Variants in RNF180 observed in about 807,000 individuals in gnomAD.
RNF180 encodes E3 ubiquitin-protein ligase RNF180.
A neutral mutation model predicts 59.2 loss-of-function variants in RNF180; 38 were observed. That is an observed-to-expected ratio of 0.64 (90% CI 0.50 to 0.84). The LOEUF (loss-of-function observed/expected upper bound fraction) is 0.84, where lower values mean the gene tolerates loss of function less well. Ranked by LOEUF, RNF180 falls within the 40% of genes least tolerant of loss-of-function variation. The pLI is 0.00. For synonymous variants in RNF180, 262 were observed against 240.3 expected, an observed-to-expected ratio of 1.09 and a Z score of -0.84; for missense variants, 705 against 700.9, an observed-to-expected ratio of 1.01 and a Z score of -0.07.
intron 1 of RNF180, among the ~76,000 whole-genome samples, chr5:64,197,446 C>T (rs560418167): frequency 1.3e-5 from 2 of 152,108 alleles, no homozygotes; most frequent in African/African-American, 4.8e-5. Context: ...TTGACATTTG[C>T]ACAAATAATA....
intron 7 of RNF180, 66 bp downstream of exon 7, chr5:64,330,472 C>T (rs1744852752): frequency 1.5e-6 from 2 of 1,375,360 alleles, no homozygotes; most frequent in Admixed American, 2.8e-5. Flanking sequence ...TTAAAAGTAA[C>T]TTCCTGCTGT....
intron 1 of RNF180, among the ~76,000 whole-genome samples, chr5:64,181,504 G>A (rs1026545303): frequency 6.6e-6 from 1 of 152,190 alleles, no homozygotes; most frequent in African/African-American, 2.4e-5. Flanking sequence ...GCAATAAAGG[G>A]TATTGAAAAA....
chr5:64,198,162 C>A (rs894750191), intron 1 of RNF180, among the ~76,000 whole-genome samples: 1 of 152,144 alleles, frequency 6.6e-6, no homozygotes, highest in African/African-American at 2.4e-5. Context: ...AGTATTATTT[C>A]AACATGTACT....
chr5:64,256,476 T>C (rs977906098), intron 5 of RNF180, among the ~76,000 whole-genome samples: 1 of 152,150 alleles, frequency 6.6e-6, no homozygotes, highest in Non-Finnish European at 1.5e-5. Context: ...CCCCATTGCT[T>C]GTTTCTGTCA....
chr5:64,366,796 A>AT (rs1746467173), intron 7 of RNF180, among the ~76,000 whole-genome samples: 1 of 151,574 alleles, frequency 6.6e-6, no homozygotes, highest in Non-Finnish European at 1.5e-5. Context: ...TGAAAACGAA[A>AT]GGGATAGGAA....
chr5:64,258,851 G>A (rs893059013), intron 5 of RNF180, among the ~76,000 whole-genome samples: 2 of 152,198 alleles, frequency 1.3e-5, no homozygotes, highest in Non-Finnish European at 2.9e-5. Flanking sequence ...GATACAGCTT[G>A]TGGAACACCA....
chr5:64,337,090 C>T (rs1031314971), intron 7 of RNF180, among the ~76,000 whole-genome samples: 4 of 151,148 alleles, frequency 2.6e-5, no homozygotes, highest in African/African-American at 7.3e-5. Flanking sequence ...GTGGTATGAT[C>T]GGCAGCCTCA....
intron 5 of RNF180, among the ~76,000 whole-genome samples, chr5:64,290,099 T>C (rs558956883): frequency 1.3e-5 from 2 of 152,348 alleles, no homozygotes; most frequent in East Asian, 3.9e-4. Context: ...TTCTCATTAG[T>C]TTCAAAGAAC....
intron 5 of RNF180, among the ~76,000 whole-genome samples, chr5:64,246,316 G>A (rs902854100): frequency 1.3e-5 from 2 of 152,062 alleles, no homozygotes; most frequent in African/African-American, 4.8e-5. Context: ...AGAAATCAAG[G>A]AATCCAGGAG....
intron 1 of RNF180, among the ~76,000 whole-genome samples, chr5:64,171,300 C>A (rs780512566): frequency 1.3e-5 from 2 of 152,150 alleles, no homozygotes; most frequent in Non-Finnish European, 2.9e-5. Flanking sequence ...ATTAACTGTC[C>A]AGTAAAATGA....
chr5:64,194,575 G>A (rs1195233947), intron 1 of RNF180, among the ~76,000 whole-genome samples: 3 of 152,172 alleles, frequency 2.0e-5, no homozygotes, highest in Non-Finnish European at 4.4e-5. Flanking sequence ...CTGAGGACTC[G>A]CCATACTGAC....
At chr5:64,252,047 ATAT>A (rs1241469911) in intron 5 of RNF180, among the ~76,000 whole-genome samples, 2 of 152,184 alleles carry the variant, frequency 1.3e-5, no homozygotes, top group Non-Finnish European at 2.9e-5. Flanking sequence ...AAAATCCCTA[ATAT>A]TTATATGAAA....
intron 1 of RNF180, among the ~76,000 whole-genome samples, chr5:64,177,562 T>TATATAC (rs1750317966): frequency 7.8e-6 from 1 of 128,250 alleles, no homozygotes; most frequent in Non-Finnish European, 1.7e-5. Flanking sequence ...TATATATATA[T>TATATAC]ATATGTATTT....
rs1236487137 is a variant in RNF180, at chr5:64,214,043, G to C, written c.717G>C (p.Leu239=). The C allele has an allele frequency of 1.9e-6, 3 of 1,614,086 alleles. No homozygotes were observed. Among genetic ancestry groups the C allele is most frequent in the Non-Finnish European group, 2.5e-6 (3 of 1,180,002 alleles). The change falls in exon 4 of 8, where the codon CTG becomes CTC. Residue 239 remains leucine (L), a synonymous_variant. Coordinates refer to ENST00000389100, the MANE Select transcript of RNF180 (RefSeq NM_001113561.2). The part of the protein sequence containing the change: ...HSLDLNISEK[L]TLLPTLYEIH... The stretch of plus-strand genomic sequence containing the variant: ...TGGATCTGAACATCAGTGAGAAACT[G>C]ACTTTATTACCCACTTTATATGAAA...
intron 5 of RNF180, among the ~76,000 whole-genome samples, chr5:64,219,416 G>GT (rs1295120116): frequency 5.3e-5 from 8 of 152,010 alleles, no homozygotes; most frequent in Non-Finnish European, 4.4e-5. Flanking sequence ...AATTGTCTCT[G>GT]TTTTTTGTAA....
intron 5 of RNF180, among the ~76,000 whole-genome samples, chr5:64,234,295 T>A (rs1474044946): frequency 6.6e-6 from 1 of 151,920 alleles, no homozygotes; most frequent in Non-Finnish European, 1.5e-5. Flanking sequence ...CGAAACCCCG[T>A]CTCTACTAAA....
chr5:64,292,692 A>G (rs1051113799), intron 5 of RNF180, among the ~76,000 whole-genome samples: 5 of 152,186 alleles, frequency 3.3e-5, no homozygotes, highest in African/African-American at 1.2e-4. Context: ...CCTTGTCCAG[A>G]CCACCTAGAC....
At chr5:64,286,338 A>G (rs941610099) in intron 5 of RNF180, among the ~76,000 whole-genome samples, 4 of 152,232 alleles carry the variant, frequency 2.6e-5, no homozygotes, top group South Asian at 2.1e-4. Flanking sequence ...ATATAAAGAC[A>G]TAAGTTTCAA....
At chr5:64,315,497 C>G (rs1743990112) in intron 5 of RNF180, among the ~76,000 whole-genome samples, 1 of 152,142 alleles carries the variant, frequency 6.6e-6, no homozygotes, top group African/African-American at 2.4e-5. Flanking sequence ...GTAATCTCAG[C>G]ACTTTGAGAG....
Sources: gnomAD v4.1 joint callset for allele counts (sites outside exome capture counted in the v4.1 genomes callset) on GRCh38, gnomAD v4.1.1 for gene constraint, MANE v1.5 for transcripts, NCBI Gene and HGNC (gene_info 2026-07-23, HGNC 2026-07-21) for gene names.